CDH23: variants seen among roughly 807,000 people sequenced by gnomAD.
CDH23 encodes cadherin-23.
Under a neutral mutation model 317.1 loss-of-function variants are expected in CDH23, and 189 were observed. That is an observed-to-expected ratio of 0.60 (90% CI 0.53 to 0.67). The LOEUF is 0.67. Among genes scored for constraint, CDH23 ranks in the 30% least tolerant of loss-of-function variants. The pLI is 0.00. For missense variants in CDH23, 4,401 were observed against 4,592.4 expected (o/e 0.96, Z 1.20); for synonymous variants, 1,839 against 1,876.8 (o/e 0.98, Z 0.52).
At chr10:71,527,220 C>A (rs930242553) in intron 6 of CDH23, among the ~76,000 whole-genome samples, 19 of 152,268 alleles carry the variant, frequency 1.2e-4, no homozygotes, top group African/African-American at 4.1e-4. Context: ...CGCCCCTGCA[C>A]AGGGCACGCA....
chr10:71,414,414 G>A, intron 1 of CDH23, among the ~76,000 whole-genome samples: 1 of 152,094 alleles, frequency 6.6e-6, no homozygotes, highest in East Asian at 1.9e-4. Context: ...CTATTGAAAT[G>A]ATCATATAAT....
At chr10:71,439,967 T>C in intron 2 of CDH23, 69 bp downstream of exon 2, 1 of 1,238,778 alleles carries the variant, frequency 8.1e-7, no homozygotes. Context: ...TGGAGGGTGT[T>C]GGGGCTGGTG....
chr10:71,485,276 C>T (rs995866854), intron 3 of CDH23, among the ~76,000 whole-genome samples: 10 of 152,078 alleles, frequency 6.6e-5, no homozygotes, highest in African/African-American at 2.4e-4. Flanking sequence ...CCACCTGCCT[C>T]GGCTTCCCAA....
intron 38 of CDH23, among the ~76,000 whole-genome samples, chr10:71,774,240 GCCCT>G (rs10550758): frequency 0.49 from 63,253 of 130,338 alleles, 13,733 homozygotes; most frequent in South Asian, 0.59. Context: ...CTGTGCACCC[GCCCT>G]CCCTCCCTGG....
chr10:71,494,441 A>G (rs1852841346), intron 3 of CDH23, among the ~76,000 whole-genome samples: 1 of 152,164 alleles, frequency 6.6e-6, no homozygotes, highest in Non-Finnish European at 1.5e-5. Context: ...GCAGTCCTGA[A>G]TCTTAAATCC....
intron 40 of CDH23, among the ~76,000 whole-genome samples, chr10:71,778,860 C>A (rs1040529370): frequency 1.3e-5 from 2 of 152,120 alleles, no homozygotes; most frequent in African/African-American, 4.8e-5. Context: ...GACTCAAGAG[C>A]AATCCTCCCA....
At chr10:71,626,603 G>A (rs1005222915) in intron 11 of CDH23, among the ~76,000 whole-genome samples, 4 of 152,216 alleles carry the variant, frequency 2.6e-5, no homozygotes, top group Admixed American at 1.3e-4. Context: ...ACCTGCTGGT[G>A]TGACCTAGGG....
chr10:71,730,392 G>T, intron 30 of CDH23, 77 bp from the exon 31 acceptor site: 2 of 1,550,076 alleles, frequency 1.3e-6, no homozygotes, highest in South Asian at 1.2e-5. Context: ...CACACAAGGC[G>T]GCCACAGTGG....
intron 6 of CDH23, 108 bp downstream of exon 6, chr10:71,511,320 C>T: frequency 9.6e-7 from 1 of 1,041,220 alleles, no homozygotes; most frequent in Non-Finnish European, 1.5e-6. Context: ...GGCTCTTCTG[C>T]CCAGACCTCA....
chr10:71,732,021 G>A lies in CDH23; in HGVS notation c.3750G>A (p.Ser1250=), dbSNP rs758598501. The A allele has an allele frequency of 6.8e-6, 11 of 1,613,798 alleles. No individual in the cohort carries two copies. Among genetic ancestry groups the A allele is most frequent in the African/African-American group, 4.0e-5 (3 of 74,906 alleles). Residue 1250 remains serine (S), a synonymous_variant, in exon 32 of 70, where the codon TCG becomes TCA. Coordinates refer to ENST00000224721, the MANE Select transcript of CDH23 (RefSeq NM_022124.6). Reference sequence around the variant, plus strand: ...GCCTGGTGAACTACCGCATCCTGTCGGGCGCAGAGGGGAAGTTTGAGATTG... The same window carrying A: ...GCCTGGTGAACTACCGCATCCTGTCAGGCGCAGAGGGGAAGTTTGAGATTG... ...DGGLVNYRIL[S]GAEGKFEIDE...
At chr10:71,674,920 T>C (rs1482705798) in intron 14 of CDH23, among the ~76,000 whole-genome samples, 192 bp from the exon 15 acceptor site, 2 of 152,168 alleles carry the variant, frequency 1.3e-5, no homozygotes, top group Non-Finnish European at 2.9e-5. Context: ...GAGGCCAGTT[T>C]CTGTCCCACT....
At chr10:71,779,755 C>T (rs548709846) in intron 41 of CDH23, among the ~76,000 whole-genome samples, 1 of 152,186 alleles carries the variant, frequency 6.6e-6, no homozygotes, top group South Asian at 2.1e-4. Context: ...CCAGGGCAGA[C>T]GAGGGAAGCA....
intron 55 of CDH23, 123 bp from the exon 56 acceptor site, chr10:71,805,683 C>T (rs570076651): frequency 7.3e-6 from 7 of 962,726 alleles, no homozygotes; most frequent in Admixed American, 2.8e-5. Flanking sequence ...GCGCTCCTGG[C>T]GGGTGCTGTA....
At chr10:71,742,288 C>G (rs773985537) in intron 38 of CDH23, among the ~76,000 whole-genome samples, 2 of 152,226 alleles carry the variant, frequency 1.3e-5, no homozygotes, top group Non-Finnish European at 2.9e-5. Flanking sequence ...CACCTATGCA[C>G]TGTGAGGTCA....
intron 3 of CDH23, among the ~76,000 whole-genome samples, chr10:71,480,068 CAG>C (rs1458643890): frequency 6.6e-6 from 1 of 151,852 alleles, no homozygotes; most frequent in East Asian, 1.9e-4. Context: ...CACCGTGGCA[CAG>C]GGAGGAGGGG....
intron 3 of CDH23, among the ~76,000 whole-genome samples, chr10:71,477,234 T>C (rs1335917888): frequency 6.6e-6 from 1 of 152,218 alleles, no homozygotes; most frequent in Non-Finnish European, 1.5e-5. Flanking sequence ...ATTGGCGCGA[T>C]CTCTGCTTAC....
chr10:71,753,449 T>G (rs141912628), intron 38 of CDH23, among the ~76,000 whole-genome samples: 81 of 152,288 alleles, frequency 5.3e-4, no homozygotes, highest in African/African-American at 1.3e-3. Context: ...GTGGGAGTGT[T>G]TAAGGTCAGT....
intron 6 of CDH23, among the ~76,000 whole-genome samples, chr10:71,533,024 G>C (rs951686870): frequency 6.6e-6 from 1 of 152,140 alleles, no homozygotes; most frequent in African/African-American, 2.4e-5. Context: ...GAGCCACTGC[G>C]CCCAGCCGAG....
chr10:71,672,037 G>T (rs1020139255), intron 14 of CDH23, among the ~76,000 whole-genome samples: 6 of 152,106 alleles, frequency 3.9e-5, no homozygotes, highest in Admixed American at 2.0e-4. Context: ...CCCTCTGGGA[G>T]CCACATCCTG....
Sources: allele counts gnomAD v4.1 joint callset (sites outside exome capture counted in the v4.1 genomes callset), GRCh38; gene constraint gnomAD v4.1.1; transcripts MANE v1.5; gene names NCBI Gene and HGNC (gene_info 2026-07-23, HGNC 2026-07-21).